Variants in MRRF observed in about 807,000 individuals in gnomAD.
The protein encoded by MRRF is mitochondrial ribosome recycling factor.
MRRF carries 18 observed loss-of-function variants against 25.1 expected under a neutral mutation model. The ratio of observed to expected loss-of-function variants is 0.72; its 90% confidence interval spans 0.50 to 1.06. MRRF has a LOEUF of 1.06. Ranked by LOEUF, MRRF falls within the 50% of genes least tolerant of loss-of-function variation. The pLI, the probability that MRRF is intolerant of heterozygous loss-of-function variation, is 0.00. For missense variants in MRRF, 323 were observed against 319.3 expected (o/e 1.01, Z -0.09); for synonymous variants, 113 against 112.1 (o/e 1.01, Z -0.05).
In MRRF at chr9:122,313,107, G is replaced by T; in HGVS notation, c.552-120G>T. ...TTTCCTCCTCCTGGAAATTCCAGGA[G>T]TTCAGCCCACAGAGAGGAAAGTTAC... is the stretch of plus-strand genomic sequence containing the variant. On this transcript the variant is annotated intron_variant, in intron 5 of 6. Transcript: ENST00000344641. 4 of 1,059,262 alleles carry T rather than the reference G, an allele frequency of 3.8e-6. No individual in the cohort carries two copies. The South Asian group carries it at 5.4e-5, about 14-fold the overall frequency. The allele number at this position is 1,059,262 out of a possible 1,614,324, so 65.6% of individuals were successfully genotyped here. A position where few individuals can be genotyped will look rare whatever the true frequency, so the allele number is the denominator to read the frequency against.
intron 3 of MRRF, among the ~76,000 whole-genome samples, chr9:122,282,564 T>C (rs1272622363): frequency 6.6e-6 from 1 of 152,190 alleles, no homozygotes; most frequent in Non-Finnish European, 1.5e-5. Context: ...CAGGTTCCAT[T>C]AAGAGCTGTT....
intron 6 of MRRF, among the ~76,000 whole-genome samples, chr9:122,319,352 G>A (rs1432937790): frequency 5.9e-5 from 9 of 151,814 alleles, no homozygotes; most frequent in African/African-American, 1.7e-4. Flanking sequence ...GGGTTTCTCC[G>A]TGTTAGCCAG....
At chr9:122,305,144 C>T (rs1035979067) in intron 5 of MRRF, among the ~76,000 whole-genome samples, 2 of 152,110 alleles carry the variant, frequency 1.3e-5, no homozygotes, top group Non-Finnish European at 2.9e-5. Context: ...GGCACTCTCT[C>T]TCACACTTGT....
At chr9:122,302,106 C>T (rs1834507217) in intron 5 of MRRF, among the ~76,000 whole-genome samples, 2 of 152,052 alleles carry the variant, frequency 1.3e-5, no homozygotes, top group African/African-American at 4.8e-5. Flanking sequence ...AGGCGTGCTG[C>T]CTGTCATCAA....
intron 3 of MRRF, among the ~76,000 whole-genome samples, chr9:122,284,398 G>A (rs1458227911): frequency 1.3e-5 from 2 of 152,176 alleles, no homozygotes; most frequent in Non-Finnish European, 2.9e-5. Flanking sequence ...TAATAATGCA[G>A]TGTTACAGGG....
At chr9:122,290,220 G>A (rs1360066880) in intron 4 of MRRF, among the ~76,000 whole-genome samples, 1 of 152,142 alleles carries the variant, frequency 6.6e-6, no homozygotes, top group Non-Finnish European at 1.5e-5. Context: ...CTGGAAGTTT[G>A]ATGGATGGGA....
chr9:122,316,456 A>G (rs1329690157), intron 6 of MRRF, among the ~76,000 whole-genome samples: 1 of 152,108 alleles, frequency 6.6e-6, no homozygotes, highest in Admixed American at 6.6e-5. Context: ...GATTACAGGC[A>G]TGAGTGCCCA....
At position 122,329,941 on chromosome 9, in the gene MRRF, A is replaced by G. The variant is rs1444734202; in HGVS notation, c.*7324A>G. ...ATTCTAAGGGGCCTGCCAGGCCTTG[A>G]TACAAATGGCGTCACATTTACATGA... is the stretch of plus-strand genomic sequence containing the variant. On this transcript the variant is annotated 3_prime_UTR_variant, in exon 7 of 7. Coordinates refer to ENST00000344641, the MANE Select transcript of MRRF (RefSeq NM_138777.5). 6.6e-6 allele frequency: 1 copy of G among 152,290 alleles called. No homozygotes were observed. Among genetic ancestry groups the G allele is most frequent in the Non-Finnish European group, 1.5e-5 (1 of 68,082 alleles). The allele number at this position is 152,290 out of a possible 1,614,324, so 9.4% of individuals were successfully genotyped here.
intron 4 of MRRF, chr9:122,286,084 C>T (rs1833388393): frequency 1.6e-6 from 2 of 1,274,392 alleles, no homozygotes; most frequent in Admixed American, 2.3e-5. Context: ...AATCCGGTCC[C>T]ATCTCTACCA....
intron 5 of MRRF, among the ~76,000 whole-genome samples, chr9:122,300,719 C>A (rs987011111): frequency 1.3e-5 from 2 of 152,064 alleles, no homozygotes; most frequent in African/African-American, 4.8e-5. Flanking sequence ...CTTTTTTTCC[C>A]CTATCTTTTC....
chr9:122,301,541 G>A (rs2026152), intron 5 of MRRF, among the ~76,000 whole-genome samples: 16,543 of 152,234 alleles, frequency 0.11, 1,039 homozygotes, highest in East Asian at 0.24. Flanking sequence ...TTTGTTGGGA[G>A]AAGCTCCTGT....
At chr9:122,307,588 C>A (rs967862971) in intron 5 of MRRF, among the ~76,000 whole-genome samples, 11 of 152,192 alleles carry the variant, frequency 7.2e-5, no homozygotes, top group Non-Finnish European at 1.3e-4. Context: ...TCTTACAATG[C>A]ATACATATTG....
intron 5 of MRRF, among the ~76,000 whole-genome samples, chr9:122,309,552 G>A (rs956354965): frequency 1.3e-5 from 2 of 151,986 alleles, no homozygotes; most frequent in Admixed American, 1.3e-4. Context: ...TTAGTTCCTG[G>A]GGTCCCACAA....
chr9:122,276,415 C>T (rs1442365016), intron 2 of MRRF, among the ~76,000 whole-genome samples: 1 of 152,196 alleles, frequency 6.6e-6, no homozygotes, highest in Non-Finnish European at 1.5e-5. Flanking sequence ...CTTGGCCTTC[C>T]AGAGCGCTGG....
intron 1 of MRRF, among the ~76,000 whole-genome samples, chr9:122,269,803 G>C (rs980457627): frequency 6.6e-6 from 1 of 152,098 alleles, no homozygotes. Flanking sequence ...ATTTTGGGGG[G>C]CTCCTGCTGT....
chr9:122,291,516 T>G (rs1344190501), intron 4 of MRRF, among the ~76,000 whole-genome samples: 1 of 152,242 alleles, frequency 6.6e-6, no homozygotes. Flanking sequence ...GTTTTCTTTT[T>G]ATTTTTTCTT....
chr9:122,271,603 C>A lies in MRRF; in HGVS notation c.184+528C>A, dbSNP rs12376093. On this transcript the variant is annotated intron_variant, in intron 2 of 6. Transcript: ENST00000344641. ...TGACCTCTTAGACTAGGTCAAGTCCCCTGTTGCCTGCACTCGTGCATTCTG... is the reference window on the plus strand; with the variant it reads ...TGACCTCTTAGACTAGGTCAAGTCCACTGTTGCCTGCACTCGTGCATTCTG... Among the ~76,000 whole-genome samples, 517 of 152,314 alleles carry A rather than the reference C, an allele frequency of 3.4e-3. 4 individuals carry two copies. The highest frequency in any genetic ancestry group is 8.4e-3 in the Admixed American group (129 of 15,296).
intron 6 of MRRF, among the ~76,000 whole-genome samples, chr9:122,322,073 T>C (rs1835923217): frequency 4.6e-5 from 7 of 152,096 alleles, no homozygotes; most frequent in Admixed American, 4.6e-4. Flanking sequence ...AAAGAATGTA[T>C]ATATAGGCCT....
intron 5 of MRRF, among the ~76,000 whole-genome samples, chr9:122,310,112 G>A (rs1835110964): frequency 6.6e-6 from 1 of 152,228 alleles, no homozygotes; most frequent in African/African-American, 2.4e-5. Context: ...CTCTGAAAGG[G>A]AGGTTCTGTT....
Sources: gnomAD v4.1 joint callset for allele counts (sites outside exome capture counted in the v4.1 genomes callset) on GRCh38, gnomAD v4.1.1 for gene constraint, MANE v1.5 for transcripts, NCBI Gene and HGNC (gene_info 2026-07-23, HGNC 2026-07-21) for gene names.